HNF4A: variants seen among roughly 807,000 people sequenced by gnomAD.
The protein encoded by HNF4A is hepatocyte nuclear factor 4-alpha.
A neutral mutation model predicts 52.4 loss-of-function variants in HNF4A; 15 were observed. The ratio of observed to expected loss-of-function variants is 0.29; its 90% confidence interval spans 0.19 to 0.44. The LOEUF (loss-of-function observed/expected upper bound fraction) is 0.44. Among genes scored for constraint, HNF4A ranks in the 20% least tolerant of loss-of-function variants. The pLI, the probability that HNF4A is intolerant of heterozygous loss-of-function variation, is 1.00. For synonymous variants in HNF4A, 280 were observed against 264.4 expected (o/e 1.06, Z -0.57); for missense variants, 479 against 647.2 (o/e 0.74, Z 2.82).
chr20:44,422,703 AT>A (rs2063763309), intron 7 of HNF4A, among the ~76,000 whole-genome samples: 1 of 148,606 alleles, frequency 6.7e-6, no homozygotes, highest in Non-Finnish European at 1.5e-5. Context: ...TAAAATATAT[AT>A]ATATATAGTC....
chr20:44,400,582 G>GT (rs1348433272), upstream of HNF4A, among the ~76,000 whole-genome samples: 5 of 152,184 alleles, frequency 3.3e-5, no homozygotes, highest in Non-Finnish European at 5.9e-5. Context: ...ACAGGAGAAT[G>GT]TGATGGGAAA....
At chr20:44,397,374 A>G (rs1193949445), upstream of HNF4A, among the ~76,000 whole-genome samples, 3 of 152,206 alleles carry the variant, frequency 2.0e-5, no homozygotes, top group Non-Finnish European at 2.9e-5. Flanking sequence ...TAATAATTGT[A>G]CATATATATG....
chr20:44,371,988 C>T (rs774471883), intron 1 of HNF4A, among the ~76,000 whole-genome samples: 36 of 152,252 alleles, frequency 2.4e-4, no homozygotes, highest in Non-Finnish European at 2.9e-4. Flanking sequence ...CATACGGAAA[C>T]TTATTAATGA....
intron 1 of HNF4A, among the ~76,000 whole-genome samples, chr20:44,376,917 G>A (rs2146227989): frequency 6.6e-6 from 1 of 152,172 alleles, no homozygotes; most frequent in South Asian, 2.1e-4. Flanking sequence ...AAAATGCTGT[G>A]TAGGCTGGGT....
chr20:44,403,477 A>G (rs531716214), intron 1 of HNF4A, among the ~76,000 whole-genome samples: 1 of 152,314 alleles, frequency 6.6e-6, no homozygotes, highest in East Asian at 1.9e-4. Context: ...GAGCATCTGT[A>G]AGCAGGGTCC....
chr20:44,383,489 T>C lies in HNF4A; in HGVS notation c.50-22569T>C, dbSNP rs111244987. Among the ~76,000 whole-genome samples, 900 of 152,114 alleles carry C rather than the reference T, an allele frequency of 5.9e-3. 7 individuals carry two copies. Among genetic ancestry groups the C allele is most frequent in the African/African-American group, 0.02 (841 of 41,472 alleles). ...CTCAATACTGTGCTGCCTTCAAATA[T>C]TCTGACAATCTTAGACAGCTTTGGG... On this transcript the variant is annotated intron_variant, in intron 1 of 9. Transcript: ENST00000316673.
intron 1 of HNF4A, among the ~76,000 whole-genome samples, chr20:44,368,767 A>G (rs2062999814): frequency 6.6e-6 from 1 of 152,246 alleles, no homozygotes; most frequent in African/African-American, 2.4e-5. Context: ...ACATACAGAC[A>G]AAGTCAGCTG....
intron 9 of HNF4A, among the ~76,000 whole-genome samples, chr20:44,429,214 C>G (rs1405245174): frequency 1.3e-5 from 2 of 152,168 alleles, no homozygotes; most frequent in East Asian, 3.9e-4. Context: ...CCGCTGGGGA[C>G]AGCCAGGCCT....
chr20:44,394,560 G>A (rs1344743638), intron 1 of HNF4A, among the ~76,000 whole-genome samples: 1 of 152,134 alleles, frequency 6.6e-6, no homozygotes, highest in Non-Finnish European at 1.5e-5. Flanking sequence ...AGAACCCCAA[G>A]CTCAAAGCTG....
At chr20:44,428,658 G>T (rs989326042) in intron 9 of HNF4A, among the ~76,000 whole-genome samples, 171 bp downstream of exon 9, 1 of 152,196 alleles carries the variant, frequency 6.6e-6, no homozygotes, top group Non-Finnish European at 1.5e-5. Context: ...TATTCAGTAA[G>T]GTGACTGACA....
Position 44,355,859 on chromosome 20 carries a change from T to C in HNF4A, c.49+6T>C, listed in dbSNP as rs757590921. ...TCCAGTGGAGAGTTCTTACGGTAAG[T>C]GGGGCTGGGGGAAGACTGGACAGGG... On this transcript the variant is annotated splice_donor_region_variant and intron_variant, in intron 1 of 9. Coordinates refer to the HNF4A transcript ENST00000316673. The C allele has an allele frequency of 1.2e-6, 2 of 1,609,980 alleles. No individual in the cohort carries two copies. Among genetic ancestry groups the C allele is most frequent in the Non-Finnish European group, 8.5e-7 (1 of 1,177,036 alleles).
rs3834658 is a variant in HNF4A at position 44,430,955 on chromosome 20, ATCCTCCCT to A, written c.*1299_*1306del. 9,525 of 151,810 alleles carry A rather than the reference ATCCTCCCT, an allele frequency of 0.063. 366 individuals carry two copies. The highest frequency in any genetic ancestry group is 0.091 in the East Asian group (467 of 5,152). 9.4% of individuals were successfully genotyped at this position (151,810 alleles called of 1,614,324 possible). A position where few individuals can be genotyped will look rare whatever the true frequency, so the allele number is the denominator to read the frequency against. On this transcript the variant is annotated 3_prime_UTR_variant, in exon 10 of 10. Coordinates refer to ENST00000316099, the MANE Select transcript of HNF4A (RefSeq NM_000457.6). ...CATCTGACATGCATCATCTCATTTA[ATCCTCCCT>A]TCCTCCCTATTAACCTAGAGATTGT...
upstream of HNF4A, among the ~76,000 whole-genome samples, chr20:44,399,580 C>T (rs1268070225): frequency 6.6e-6 from 1 of 152,152 alleles, no homozygotes; most frequent in Non-Finnish European, 1.5e-5. Context: ...TCATACCACT[C>T]GAACACACAT....
rs1017523112 is a variant in HNF4A at position 44,432,828 on chromosome 20, G to T, written c.*3163G>T. ...CAAAAGTTTATAAAACAAAATAAAT[G>T]GCGCATATGTTTTCTAAGTCCTTGG... On this transcript the variant is annotated 3_prime_UTR_variant, in exon 10 of 10. Coordinates refer to ENST00000316099, the MANE Select transcript of HNF4A (RefSeq NM_000457.6). 3 of 152,064 alleles carry T rather than the reference G, an allele frequency of 2.0e-5. No homozygotes were observed. The highest frequency in any genetic ancestry group is 2.0e-4 in the Admixed American group (3 of 15,264). 9.4% of individuals were successfully genotyped at this position (152,064 alleles called of 1,614,324 possible).
intron 1 of HNF4A, among the ~76,000 whole-genome samples, chr20:44,384,152 CT>C (rs141130497): frequency 0.15 from 20,788 of 138,332 alleles, 1,969 homozygotes; most frequent in Non-Finnish European, 0.21. Flanking sequence ...CGCCTGGCCC[CT>C]GGCTCCTTTT....
At chr20:44,434,480 G>GGAGGCCTTGTTCATTCTGCCGCCATC (rs2063905511), downstream of HNF4A, 1 of 150,880 alleles carries the variant, frequency 6.6e-6, no homozygotes, top group African/African-American at 2.5e-5. Flanking sequence ...ACGTTGCAAC[G>GGAGGCCTTGTTCATTCTGCCGCCATC]GAGGCCTTGT....
intron 1 of HNF4A, chr20:44,395,603 G>A (rs1464103805): frequency 1.3e-5 from 2 of 152,298 alleles, no homozygotes; most frequent in Admixed American, 6.5e-5. Flanking sequence ...CCCTGTCCCT[G>A]GACCTTGGAA....
At chr20:44,390,040 A>G (rs916467742) in intron 1 of HNF4A, 2 of 152,640 alleles carry the variant, frequency 1.3e-5, no homozygotes, top group Admixed American at 1.3e-4. Context: ...CCATGTTGCT[A>G]TTATTGTGCC....
chr20:44,383,549 C>CTTT (rs538493291), intron 1 of HNF4A, among the ~76,000 whole-genome samples: 4 of 137,556 alleles, frequency 2.9e-5, no homozygotes, highest in Admixed American at 7.6e-5. Flanking sequence ...TTGGGGACCT[C>CTTT]TTTTTTTTTT....
Sources: gnomAD v4.1 joint callset for allele counts (sites outside exome capture counted in the v4.1 genomes callset) on GRCh38, gnomAD v4.1.1 for gene constraint, MANE v1.5 for transcripts, NCBI Gene and HGNC (gene_info 2026-07-23, HGNC 2026-07-21) for gene names.